Variants in CCDC141 observed in about 807,000 individuals in gnomAD.
The protein encoded by CCDC141 is coiled-coil domain containing 141, also known as coiled-coil domain-containing protein 141.
A neutral mutation model predicts 181.0 loss-of-function variants in CCDC141; 168 were observed. That is an observed-to-expected ratio of 0.93 (90% CI 0.82 to 1.05). CCDC141 has a LOEUF of 1.05. Ranked by LOEUF, CCDC141 falls within the 50% of genes least tolerant of loss-of-function variation. CCDC141 has a pLI of 0.00. For missense variants in CCDC141, 1,902 were observed against 1,788.5 expected (o/e 1.06, Z -1.14); for synonymous variants, 666 against 642.3 (o/e 1.04, Z -0.56).
intron 11 of CCDC141, among the ~76,000 whole-genome samples, chr2:178,879,816 G>T (rs1024995800): frequency 6.6e-6 from 1 of 152,168 alleles, no homozygotes; most frequent in African/African-American, 2.4e-5. Context: ...CAGATGGGAG[G>T]GATAACTTGT....
intron 2 of CCDC141, among the ~76,000 whole-genome samples, chr2:179,012,152 C>CA (rs2042287280): frequency 6.6e-6 from 1 of 151,910 alleles, no homozygotes; most frequent in African/African-American, 2.4e-5. Flanking sequence ...AACAAACAAA[C>CA]AAACAAAATA....
At chr2:179,015,761 ATATCATATATATCTCATATATG>A (rs1271531868) in intron 2 of CCDC141, among the ~76,000 whole-genome samples, 126 of 134,944 alleles carry the variant, frequency 9.3e-4, no homozygotes, top group Middle Eastern at 5.7e-3. Flanking sequence ...TATCTCATAT[ATATCATATATATCTCATATATG>A]TATCATATAT....
chr2:179,016,746 T>C (rs2042555108), intron 2 of CCDC141, among the ~76,000 whole-genome samples: 3 of 152,126 alleles, frequency 2.0e-5, no homozygotes. Flanking sequence ...TTTCCCTGGT[T>C]AATTTTACCT....
At chr2:178,990,905 G>A (rs77567414) in intron 2 of CCDC141, among the ~76,000 whole-genome samples, 3,155 of 152,088 alleles carry the variant, frequency 0.021, 89 homozygotes, top group East Asian at 0.13. Flanking sequence ...TGTGAAAGGT[G>A]ATCATATGAA....
chr2:178,987,082 A>G (rs1377785087), intron 2 of CCDC141, among the ~76,000 whole-genome samples: 597 of 148,088 alleles, frequency 4.0e-3, no homozygotes, highest in African/African-American at 0.014. Context: ...ACAAGGCTAC[A>G]GTAACCAAAA....
At chr2:178,860,182 A>T (rs1685542797) in intron 17 of CCDC141, among the ~76,000 whole-genome samples, 1 of 152,198 alleles carries the variant, frequency 6.6e-6, no homozygotes, top group Admixed American at 6.5e-5. Context: ...ATTCAGTAAC[A>T]GAAAGCTGTG....
Position 178,893,799 on chromosome 2 carries a change from T to TCA in CCDC141, c.1266-5133_1266-5132dup, listed in dbSNP as rs56229236. On this transcript the variant is annotated intron_variant, in intron 8 of 23. Coordinates refer to ENST00000443758, the MANE Select transcript of CCDC141 (RefSeq NM_173648.4). Reference sequence around the variant, plus strand: ...CTCCCACCAAACATTTCTCTCTCTCTCACACACACACACACACACACACGC... The same window carrying TCA: ...CTCCCACCAAACATTTCTCTCTCTCTCACACACACACACACACACACACACGC... Among the ~76,000 whole-genome samples the TCA allele has an allele frequency of 4.6e-3, 666 of 143,686 alleles. 4 individuals carry two copies. Among genetic ancestry groups the TCA allele is most frequent in the Middle Eastern group, 0.018 (5 of 274 alleles). The allele number at this position is 143,686 out of a possible 152,430, so 94.3% of individuals were successfully genotyped here. A position where few individuals can be genotyped will look rare whatever the true frequency, so the allele number is the denominator to read the frequency against.
At position 178,888,591 on chromosome 2, in the gene CCDC141, G is replaced by A. The variant is rs1471510758; in HGVS notation, c.1343C>T (p.Ala448Val). 1.2e-5 allele frequency: 19 copies of A among 1,550,574 alleles called. No homozygotes were observed. The highest frequency in any genetic ancestry group is 1.7e-4 in the Middle Eastern group (1 of 5,994). The change falls in exon 9 of 24, where the codon GCG becomes GTG. Residue 448 changes from alanine to valine, a missense_variant. By Grantham distance (64) the Ala-to-Val change is moderately conservative. Coordinates refer to ENST00000443758, the MANE Select transcript of CCDC141 (RefSeq NM_173648.4). ...TTTCTTAAGAGCATATTCCTTGTGC[G>A]CTGAACACTGTTCGGTCAGATGATC... ...RVDHLTEQCS[A>V]HKEYALKKQQ... is the part of the protein sequence containing the mutation.
rs1317779224 is a variant in CCDC141 at position 178,834,072 on chromosome 2, T to TA, written c.*100dup. 46 of 1,194,986 alleles carry TA rather than the reference T, an allele frequency of 3.8e-5. No individual in the cohort carries two copies. The highest frequency in any genetic ancestry group is 5.0e-5 in the Non-Finnish European group (43 of 855,536). The allele number at this position is 1,194,986 out of a possible 1,614,324, so 74.0% of individuals were successfully genotyped here. A position where few individuals can be genotyped will look rare whatever the true frequency, so the allele number is the denominator to read the frequency against. On this transcript the variant is annotated 3_prime_UTR_variant, in exon 24 of 24. Transcript: ENST00000443758. Reference sequence around the variant, plus strand: ...ACAAGTATGGTGATCAGACTGGAGATACACTTGGTGGGAGATGCTTTGCAG... The same window carrying TA: ...ACAAGTATGGTGATCAGACTGGAGATAACACTTGGTGGGAGATGCTTTGCAG...
At chr2:179,026,670 G>A (rs1010309030) in intron 2 of CCDC141, among the ~76,000 whole-genome samples, 15 of 152,160 alleles carry the variant, frequency 9.9e-5, no homozygotes, top group Admixed American at 9.8e-4. Flanking sequence ...ACCCAGAATG[G>A]TAGATCCACT....
intron 2 of CCDC141, among the ~76,000 whole-genome samples, chr2:178,994,978 AT>A (rs1692218449): frequency 6.6e-6 from 1 of 152,152 alleles, no homozygotes; most frequent in African/African-American, 2.4e-5. Context: ...CTCTATCAGC[AT>A]TTTGGGCAAA....
chr2:179,015,799 A>C (rs918249364), intron 2 of CCDC141, among the ~76,000 whole-genome samples: 1 of 141,150 alleles, frequency 7.1e-6, no homozygotes, highest in Admixed American at 7.4e-5. Flanking sequence ...TATATATCTC[A>C]TATATGTATC....
chr2:178,930,112 G>A (rs1689044635), intron 6 of CCDC141, among the ~76,000 whole-genome samples: 2 of 151,796 alleles, frequency 1.3e-5, no homozygotes, highest in Admixed American at 1.3e-4. Context: ...CAGTAAAGTT[G>A]GAGAGTATAA....
At chr2:178,955,847 G>C (rs1055486454) in intron 5 of CCDC141, among the ~76,000 whole-genome samples, 1 of 152,098 alleles carries the variant, frequency 6.6e-6, no homozygotes, top group South Asian at 2.1e-4. Context: ...ATTGAACAAG[G>C]GTAGCTGTTA....
chr2:178,997,908 G>T (rs1274233527), intron 2 of CCDC141, among the ~76,000 whole-genome samples: 2 of 152,036 alleles, frequency 1.3e-5, no homozygotes, highest in African/African-American at 4.8e-5. Context: ...CCCCTCAAGT[G>T]GTCTCTCTCT....
intron 6 of CCDC141, among the ~76,000 whole-genome samples, chr2:178,923,156 G>C (rs1688772142): frequency 6.8e-6 from 1 of 146,932 alleles, no homozygotes; most frequent in Non-Finnish European, 1.5e-5. Flanking sequence ...CCAGGCTGGA[G>C]TGCAGTGGCG....
intron 2 of CCDC141, among the ~76,000 whole-genome samples, chr2:178,980,223 G>A (rs939501399): frequency 1.1e-4 from 17 of 152,140 alleles, no homozygotes; most frequent in Non-Finnish European, 2.1e-4. Flanking sequence ...ACCGAGGCGG[G>A]CAGATCACGA....
At position 178,950,107 on chromosome 2, in the gene CCDC141, T is replaced by C. The variant is rs556956850; in HGVS notation, c.781-5456A>G. 1.8e-4 allele frequency among the ~76,000 whole-genome samples: 27 copies of C among 152,378 alleles called. No homozygotes were observed. The South Asian group carries it at 5.4e-3, about 30-fold the overall frequency. On this transcript the variant is annotated intron_variant, in intron 5 of 23. Coordinates refer to ENST00000443758, the MANE Select transcript of CCDC141 (RefSeq NM_173648.4). The stretch of plus-strand genomic sequence containing the variant: ...CAAATTACTTTCATTTTCTTTTCCA[T>C]GTGCAGAACTTGCTGAATAACCAGG...
At position 179,049,994 on chromosome 2, in the gene CCDC141, T is replaced by C. The variant is rs1200545828; in HGVS notation, c.-53A>G. The C allele has an allele frequency of 1.9e-6, 3 of 1,548,482 alleles. No homozygotes were observed. The highest frequency in any genetic ancestry group is 2.6e-6 in the Non-Finnish European group (3 of 1,145,756). Reference sequence around the variant, plus strand: ...TGGGCAGCCTCTGGACAGTTGTGTGTCTGCTGGTCATTTCAGAAGGCCAGG... The same window carrying C: ...TGGGCAGCCTCTGGACAGTTGTGTGCCTGCTGGTCATTTCAGAAGGCCAGG... On this transcript the variant is annotated 5_prime_UTR_variant, in exon 1 of 24. Coordinates refer to ENST00000443758, the MANE Select transcript of CCDC141 (RefSeq NM_173648.4).
Sources: gnomAD v4.1 joint callset for allele counts (sites outside exome capture counted in the v4.1 genomes callset) on GRCh38, gnomAD v4.1.1 for gene constraint, MANE v1.5 for transcripts, NCBI Gene and HGNC (gene_info 2026-07-23, HGNC 2026-07-21) for gene names.